Variants in FAM227B observed in about 807,000 individuals in gnomAD.
The protein encoded by FAM227B is protein FAM227B.
A neutral mutation model predicts 73.8 loss-of-function variants in FAM227B; 88 were observed. The ratio of observed to expected loss-of-function variants is 1.19; its 90% CI spans 1.00 to 1.42. The LOEUF (loss-of-function observed/expected upper bound fraction) is 1.42. Ranked by LOEUF, FAM227B falls within the 40% of genes most tolerant of loss-of-function variation. The probability of loss-of-function intolerance (pLI) is 0.00; values close to 1 mark genes in which losing one functional copy is unlikely to be tolerated. For synonymous variants in FAM227B, 210 were observed against 190.5 expected, an observed-to-expected ratio of 1.10 and a Z score of -0.84; for missense variants, 632 against 590.9, an observed-to-expected ratio of 1.07 and a Z score of -0.72.
intron 4 of FAM227B, among the ~76,000 whole-genome samples, chr15:49,588,698 T>C (rs2076341942): frequency 6.7e-6 from 1 of 149,470 alleles, no homozygotes; most frequent in Admixed American, 6.7e-5. Context: ...GACGAATTTA[T>C]ACACACACAT....
chr15:49,610,942 A>G (rs551101198), intron 3 of FAM227B, among the ~76,000 whole-genome samples: 3 of 152,316 alleles, frequency 2.0e-5, no homozygotes, highest in African/African-American at 7.2e-5. Flanking sequence ...GTGTAAATAC[A>G]TAAGACAAAA....
At chr15:49,488,534 G>A (rs1207910120) in intron 11 of FAM227B, 1 of 151,914 alleles carries the variant, frequency 6.6e-6, no homozygotes, top group African/African-American at 2.4e-5. Flanking sequence ...TCTCATCTGG[G>A]AAGATGCCTC....
intron 5 of FAM227B, among the ~76,000 whole-genome samples, chr15:49,582,786 T>C (rs531346294): frequency 1.5e-3 from 234 of 152,072 alleles, no homozygotes; most frequent in African/African-American, 5.5e-3. Flanking sequence ...TCTTGGACCA[T>C]GCAGCAATCA....
At chr15:49,550,299 TCACCTCC>T (rs2072732396) in intron 9 of FAM227B, among the ~76,000 whole-genome samples, 1 of 112,412 alleles carries the variant, frequency 8.9e-6, no homozygotes, top group Admixed American at 9.3e-5. Context: ...GAGGCGCCCC[TCACCTCC>T]CGGACGGGGC....
intron 11 of FAM227B, chr15:49,489,458 C>T (rs933696116): frequency 8.7e-6 from 6 of 690,324 alleles, no homozygotes; most frequent in African/African-American, 1.9e-5. Context: ...GATGTGGCTA[C>T]TTAGAACTCC....
chr15:49,470,815 G>C (rs1016294804), intron 11 of FAM227B, among the ~76,000 whole-genome samples: 1 of 152,156 alleles, frequency 6.6e-6, no homozygotes, highest in Admixed American at 6.5e-5. Flanking sequence ...CTTTCTAGAA[G>C]ATCAATGAAG....
At chr15:49,414,942 G>A (rs922388999) in intron 11 of FAM227B, among the ~76,000 whole-genome samples, 5 of 152,126 alleles carry the variant, frequency 3.3e-5, no homozygotes, top group African/African-American at 7.2e-5. Flanking sequence ...AAGTTATTGC[G>A]ATAGCCACCA....
intron 1 of FAM227B, among the ~76,000 whole-genome samples, chr15:49,619,120 T>G (rs1324634328): frequency 6.6e-6 from 1 of 152,224 alleles, no homozygotes; most frequent in African/African-American, 2.4e-5. Context: ...GGCCTTGAAT[T>G]TAACATTTCG....
At chr15:49,538,479 G>A (rs1567520817) in intron 10 of FAM227B, among the ~76,000 whole-genome samples, 1 of 152,150 alleles carries the variant, frequency 6.6e-6, no homozygotes, top group Non-Finnish European at 1.5e-5. Flanking sequence ...GAGACTTTGG[G>A]TCCCCAGGGG....
chr15:49,517,875 A>G (rs1437443940), intron 10 of FAM227B, among the ~76,000 whole-genome samples: 1 of 152,104 alleles, frequency 6.6e-6, no homozygotes. Context: ...ATATAAATAG[A>G]CTCATACAGC....
At chr15:49,415,448 T>A (rs11639423) in intron 11 of FAM227B, among the ~76,000 whole-genome samples, 29,132 of 152,024 alleles carry the variant, frequency 0.19, 3,164 homozygotes, top group Non-Finnish European at 0.24. Context: ...AGTTAAGCAG[T>A]AACTTAAGGG....
At chr15:49,413,331 C>T (rs147554289) in intron 11 of FAM227B, among the ~76,000 whole-genome samples, 13 of 152,076 alleles carry the variant, frequency 8.5e-5, no homozygotes, top group African/African-American at 3.1e-4. Flanking sequence ...TCTTTACCTG[C>T]TACCATCTGT....
chr15:49,597,024 G>C (rs1428296842), intron 3 of FAM227B, among the ~76,000 whole-genome samples: 1 of 151,928 alleles, frequency 6.6e-6, no homozygotes, highest in African/African-American at 2.4e-5. Context: ...AATAATAGTG[G>C]GGGACTTCAA....
chr15:49,378,233 C>A (rs1235350654), intron 11 of FAM227B, among the ~76,000 whole-genome samples: 1 of 151,622 alleles, frequency 6.6e-6, no homozygotes, highest in Non-Finnish European at 1.5e-5. Flanking sequence ...TGTTTTTATG[C>A]CAGTACCATG....
At chr15:49,435,002 TTGTG>T (rs1202393267) in intron 11 of FAM227B, among the ~76,000 whole-genome samples, 2 of 151,596 alleles carry the variant, frequency 1.3e-5, no homozygotes, top group East Asian at 1.9e-4. Flanking sequence ...AAACAGTATG[TTGTG>T]TGTATTTTAC....
intron 13 of FAM227B, among the ~76,000 whole-genome samples, chr15:49,357,917 G>A (rs2151374614): frequency 6.6e-6 from 1 of 152,078 alleles, no homozygotes; most frequent in Non-Finnish European, 1.5e-5. Context: ...TCCCTGGGAT[G>A]CAAGGCTGGT....
At chr15:49,530,722 G>A (rs2152224209) in intron 10 of FAM227B, among the ~76,000 whole-genome samples, 2 of 151,732 alleles carry the variant, frequency 1.3e-5, no homozygotes, top group East Asian at 3.9e-4. Context: ...AGTAACAAAT[G>A]TATCTAAACT....
At chr15:49,454,354 T>C (rs1275785997) in intron 11 of FAM227B, among the ~76,000 whole-genome samples, 1 of 152,128 alleles carries the variant, frequency 6.6e-6, no homozygotes, top group Non-Finnish European at 1.5e-5. Flanking sequence ...ACATCATTTA[T>C]AAAGTAAAGG....
intron 13 of FAM227B, among the ~76,000 whole-genome samples, chr15:49,355,511 G>A (rs1596460601): frequency 6.6e-6 from 1 of 152,226 alleles, no homozygotes; most frequent in African/African-American, 2.4e-5. Context: ...TGAAATGAAT[G>A]AAATGAAGCA....
Sources: allele counts gnomAD v4.1 joint callset (sites outside exome capture counted in the v4.1 genomes callset), GRCh38; gene constraint gnomAD v4.1.1; transcripts MANE v1.5; gene names NCBI Gene and HGNC (gene_info 2026-07-23, HGNC 2026-07-21).